The following FAF1 variants were observed in gnomAD, a reference collection of about 807,000 sequenced individuals.
FAF1 encodes the protein FAS-associated factor 1.
In FAF1, 25 loss-of-function variants were observed where a neutral mutation model predicts 92.5. That is an observed-to-expected ratio of 0.27 (90% confidence interval 0.20 to 0.38). FAF1 has a LOEUF of 0.38. Ranked by LOEUF, FAF1 falls within the 10% of genes least tolerant of loss-of-function variation. The pLI is 1.00. For missense variants in FAF1, 636 were observed against 793.3 expected (o/e 0.80, Z 2.38); for synonymous variants, 234 against 273.2 (o/e 0.86, Z 1.42).
intron 8 of FAF1, among the ~76,000 whole-genome samples, chr1:50,622,554 T>C (rs1653265582): frequency 6.6e-6 from 1 of 152,234 alleles, no homozygotes; most frequent in Non-Finnish European, 1.5e-5. Flanking sequence ...TAAAGGATAT[T>C]AGTACAATTG....
chr1:50,770,419 A>G (rs1230777647), intron 4 of FAF1, among the ~76,000 whole-genome samples: 1 of 152,244 alleles, frequency 6.6e-6, no homozygotes, highest in Non-Finnish European at 1.5e-5. Flanking sequence ...TTCAGGATAC[A>G]AAATCAATGT....
At chr1:50,481,028 A>C (rs1160276703) in intron 17 of FAF1, among the ~76,000 whole-genome samples, 1 of 152,152 alleles carries the variant, frequency 6.6e-6, no homozygotes, top group African/African-American at 2.4e-5. Context: ...AAGAAGGAAA[A>C]ATTTTTAATA....
At chr1:50,924,864 T>C (rs2124737298) in intron 1 of FAF1, among the ~76,000 whole-genome samples, 1 of 152,264 alleles carries the variant, frequency 6.6e-6, no homozygotes, top group South Asian at 2.1e-4. Flanking sequence ...GCACCTGTAA[T>C]CTCAGCTACT....
At chr1:50,777,616 A>C (rs947604537) in intron 4 of FAF1, among the ~76,000 whole-genome samples, 3 of 152,194 alleles carry the variant, frequency 2.0e-5, no homozygotes, top group Admixed American at 2.0e-4. Context: ...GCAGCTAAGA[A>C]AATTTGATAA....
At position 50,783,068 on chromosome 1, in the gene FAF1, AGAC is replaced by A. The variant is rs1191680463; in HGVS notation, c.367+4929_367+4931del. 2.6e-5 allele frequency among the ~76,000 whole-genome samples: 4 copies of A among 152,314 alleles called. No homozygotes were observed. In the East Asian group the frequency reaches 5.8e-4, roughly 22 times the overall value. ...AAATTAAATTAAAAATAATTATAAC[AGAC>A]TACTATGAAAAATCATATGCCAACA... On this transcript the variant is annotated intron_variant, in intron 4 of 18. Transcript: ENST00000396153.
At position 50,539,658 on chromosome 1, in the gene FAF1, G is replaced by A; in HGVS notation, c.1339C>T (p.Gln447Ter). The A allele has an allele frequency of 6.2e-7, 1 of 1,611,326 alleles. No individual in the cohort carries two copies. Among genetic ancestry groups the A allele is most frequent in the Non-Finnish European group, 8.5e-7 (1 of 1,177,750 alleles). The change falls in exon 14 of 19, where the codon CAG becomes TAG. Residue 447 changes from glutamine to a stop codon, truncating the protein, a stop_gained. Coordinates refer to ENST00000396153, the MANE Select transcript of FAF1 (RefSeq NM_007051.3). LOFTEE classifies it high-confidence loss of function. Reference protein sequence around the residue: ...AQTIRTQKTDQFPLFLIIMGK... With the variant: ...AQTIRTQKTD The stretch of plus-strand genomic sequence containing the variant: ...ATAATAATCAGGAAAAGCGGAAACT[G>A]ATCCGTTTTTTGAGTCCGAATGGTT...
intron 1 of FAF1, among the ~76,000 whole-genome samples, chr1:50,892,944 A>G (rs753959970): frequency 6.6e-6 from 1 of 152,078 alleles, no homozygotes; most frequent in Non-Finnish European, 1.5e-5. Context: ...ACACTCACTA[A>G]TACTTTCTGT....
intron 7 of FAF1, among the ~76,000 whole-genome samples, chr1:50,692,507 T>A (rs1656983711): frequency 6.6e-6 from 1 of 152,106 alleles, no homozygotes; most frequent in Non-Finnish European, 1.5e-5. Context: ...TCTACTTCTA[T>A]GAGTTTGACT....
At chr1:50,626,697 T>A (rs1653513839) in intron 8 of FAF1, among the ~76,000 whole-genome samples, 1 of 152,128 alleles carries the variant, frequency 6.6e-6, no homozygotes, top group African/African-American at 2.4e-5. Context: ...ATTACTTGAG[T>A]AGATTTATAT....
rs182525176 is a variant in FAF1, at chr1:50,905,336, G to A, written c.46-47339C>T. 5.5e-4 allele frequency among the ~76,000 whole-genome samples: 83 copies of A among 152,152 alleles called. 1 individual carries two copies. The South Asian group carries it at 7.9e-3, about 14-fold the overall frequency. ...AGTCTTTGCTATTGTGAATAGTGCC[G>A]CAATAAACATGTGTGCATGTGTCTT... On this transcript the variant is annotated intron_variant, in intron 1 of 18. Transcript: ENST00000396153.
At chr1:50,839,537 T>C (rs566614350) in intron 2 of FAF1, among the ~76,000 whole-genome samples, 1 of 152,290 alleles carries the variant, frequency 6.6e-6, no homozygotes, top group East Asian at 1.9e-4. Flanking sequence ...AGGGCCTAAA[T>C]ACTGTTGATC....
At chr1:50,461,464 A>G (rs1646429248) in intron 18 of FAF1, 1 of 152,006 alleles carries the variant, frequency 6.6e-6, no homozygotes, top group South Asian at 2.1e-4. Context: ...CCTACCCACA[A>G]CTCAGCGAGC....
chr1:50,574,850 T>A (rs1261122708), intron 12 of FAF1, among the ~76,000 whole-genome samples: 1 of 151,022 alleles, frequency 6.6e-6, no homozygotes, highest in Non-Finnish European at 1.5e-5. Context: ...TAGAATATTA[T>A]ATATCATAAA....
At chr1:50,838,459 T>C (rs1433953173) in intron 2 of FAF1, among the ~76,000 whole-genome samples, 1 of 149,172 alleles carries the variant, frequency 6.7e-6, no homozygotes, top group Non-Finnish European at 1.5e-5. Context: ...TGTAAAATTG[T>C]AAATTACAAA....
intron 2 of FAF1, among the ~76,000 whole-genome samples, chr1:50,849,794 T>C (rs1644333108): frequency 6.6e-6 from 1 of 151,134 alleles, no homozygotes; most frequent in Non-Finnish European, 1.5e-5. Flanking sequence ...TTAGAGCTAC[T>C]TAAATATCTT....
chr1:50,862,975 A>G (rs1017747324), intron 1 of FAF1, among the ~76,000 whole-genome samples: 3 of 152,010 alleles, frequency 2.0e-5, no homozygotes, highest in Non-Finnish European at 2.9e-5. Context: ...AAGTCAACAA[A>G]GAAACAATGA....
intron 1 of FAF1, among the ~76,000 whole-genome samples, chr1:50,922,458 CAAA>C (rs33971185): frequency 5.4e-5 from 2 of 37,270 alleles, no homozygotes; most frequent in African/African-American, 1.2e-4. Context: ...GACTCTGCCT[CAAA>C]AAAAAAAAAA....
intron 12 of FAF1, among the ~76,000 whole-genome samples, chr1:50,579,027 T>C (rs527280781): frequency 1.3e-5 from 2 of 152,242 alleles, no homozygotes; most frequent in East Asian, 3.9e-4. Context: ...ACAAATCTAA[T>C]AGGAAGCAAA....
chr1:50,959,804 G>C lies in FAF1; in HGVS notation c.8C>G (p.Ser3Cys), dbSNP rs1374848521. MA[S>C]NMDREMILAD... ...CAGGATCATCTCCCGGTCCATGTTG[G>C]ACGCCATGGCGGCCGCCGAGTTCCG... The change falls in exon 1 of 19, where the codon TCC becomes TGC. Residue 3 changes from serine to cysteine, a missense_variant. By Grantham distance (112) the Ser-to-Cys change is moderately radical. Coordinates refer to ENST00000396153, the MANE Select transcript of FAF1 (RefSeq NM_007051.3). The C allele has an allele frequency of 6.3e-7, 1 of 1,582,424 alleles. No homozygotes were observed. The highest frequency in any genetic ancestry group is 1.1e-5 in the South Asian group (1 of 88,298).
Sources: allele counts gnomAD v4.1 joint callset (sites outside exome capture counted in the v4.1 genomes callset), GRCh38; gene constraint gnomAD v4.1.1; transcripts MANE v1.5; gene names NCBI Gene and HGNC (gene_info 2026-07-23, HGNC 2026-07-21).